TNNI3K: variants seen among roughly 807,000 people sequenced by gnomAD.
The protein encoded by TNNI3K is serine/threonine-protein kinase TNNI3K.
A neutral mutation model predicts 114.5 loss-of-function variants in TNNI3K; 140 were observed. That is an observed-to-expected ratio of 1.22 (90% confidence interval 1.07 to 1.41). The LOEUF (loss-of-function observed/expected upper bound fraction) is 1.41, where lower values mean the gene tolerates loss of function less well. TNNI3K is among the 40% of genes most tolerant of loss of function. The pLI, the probability that TNNI3K is intolerant of heterozygous loss-of-function variation, is 0.00. For missense variants in TNNI3K, 1,125 were observed against 1,007.6 expected (o/e 1.12, Z -1.58); for synonymous variants, 347 against 347.5 (o/e 1.00, Z 0.02).
intron 17 of TNNI3K, among the ~76,000 whole-genome samples, chr1:74,379,703 T>C (rs1169152187): frequency 6.6e-6 from 1 of 152,148 alleles, no homozygotes; most frequent in Non-Finnish European, 1.5e-5. Context: ...GATTCATCCC[T>C]GCCTCCTCGA....
At chr1:74,480,663 C>A (rs878892430) in intron 21 of TNNI3K, 2 of 717,142 alleles carry the variant, frequency 2.8e-6, no homozygotes, top group Non-Finnish European at 2.6e-6. Context: ...CGGGTCAGGC[C>A]GCTTGTGTTT....
intron 17 of TNNI3K, among the ~76,000 whole-genome samples, chr1:74,417,137 G>A (rs10890127): frequency 0.63 from 95,315 of 151,954 alleles, 33,500 homozygotes; most frequent in East Asian, 0.81. Context: ...AGAGAAATGC[G>A]TAATAATGGC....
At chr1:74,456,489 T>C (rs1298351984) in intron 20 of TNNI3K, among the ~76,000 whole-genome samples, 1 of 152,186 alleles carries the variant, frequency 6.6e-6, no homozygotes, top group African/African-American at 2.4e-5. Context: ...TTCATTTCTC[T>C]CCTGGGCTTG....
chr1:74,503,435 T>G (rs1273273000), intron 23 of TNNI3K, among the ~76,000 whole-genome samples: 1 of 152,258 alleles, frequency 6.6e-6, no homozygotes, highest in African/African-American at 2.4e-5. Flanking sequence ...ATTATATTAG[T>G]ATCTAACCCT....
At chr1:74,486,200 A>G (rs1470158896) in intron 21 of TNNI3K, among the ~76,000 whole-genome samples, 1 of 134,370 alleles carries the variant, frequency 7.4e-6, no homozygotes, top group Non-Finnish European at 1.5e-5. Flanking sequence ...TAAATGCTAT[A>G]AAGAGAGAGA....
intron 4 of TNNI3K, among the ~76,000 whole-genome samples, chr1:74,265,971 A>G (rs1217911625): frequency 5.9e-5 from 9 of 151,878 alleles, no homozygotes; most frequent in African/African-American, 1.7e-4. Context: ...TTATTTATTC[A>G]TTTTCTTTGT....
At chr1:74,338,180 C>G (rs1334189126) in intron 7 of TNNI3K, among the ~76,000 whole-genome samples, 1 of 151,606 alleles carries the variant, frequency 6.6e-6, no homozygotes, top group Non-Finnish European at 1.5e-5. Context: ...AATCTTTCAA[C>G]AATATATGAG....
In TNNI3K at chr1:74,537,133, A is replaced by G. The variant is rs187053129; in HGVS notation, c.2352-3101A>G. ...GATTGCATTTAGCAACTGAACAAACAGAGCAGCTTGGATATGAGCTTTTAT... is the reference window on the plus strand; with the variant it reads ...GATTGCATTTAGCAACTGAACAAACGGAGCAGCTTGGATATGAGCTTTTAT... On this transcript the variant is annotated intron_variant, in intron 23 of 24. Coordinates refer to ENST00000326637, the MANE Select transcript of TNNI3K (RefSeq NM_015978.3). Among the ~76,000 whole-genome samples, 1,307 of 152,338 alleles carry G rather than the reference A, an allele frequency of 8.6e-3. 5 individuals carry two copies. Among genetic ancestry groups the G allele is most frequent in the Admixed American group, 0.015 (224 of 15,292 alleles).
At chr1:74,520,360 T>A (rs1468020448) in intron 23 of TNNI3K, among the ~76,000 whole-genome samples, 1 of 152,142 alleles carries the variant, frequency 6.6e-6, no homozygotes, top group Non-Finnish European at 1.5e-5. Context: ...AATTTGAGAC[T>A]ACTTCGCGTG....
chr1:74,497,941 T>TC (rs2100328781), intron 23 of TNNI3K, among the ~76,000 whole-genome samples: 1 of 152,300 alleles, frequency 6.6e-6, no homozygotes, highest in South Asian at 2.1e-4. Flanking sequence ...TCGCTCTCTC[T>TC]CTTCTCAGAT....
intron 23 of TNNI3K, among the ~76,000 whole-genome samples, chr1:74,516,625 T>C (rs1457567253): frequency 6.6e-6 from 1 of 152,152 alleles, no homozygotes; most frequent in Non-Finnish European, 1.5e-5. Context: ...CTTGCTACTA[T>C]GGGCCATGGG....
At chr1:74,380,834 G>T (rs948690874) in intron 17 of TNNI3K, among the ~76,000 whole-genome samples, 3 of 152,000 alleles carry the variant, frequency 2.0e-5, no homozygotes, top group African/African-American at 7.2e-5. Flanking sequence ...TCACTTGATC[G>T]TTTTCAACCC....
At chr1:74,407,229 A>G (rs1397627425) in intron 17 of TNNI3K, among the ~76,000 whole-genome samples, 1 of 152,196 alleles carries the variant, frequency 6.6e-6, no homozygotes, top group Non-Finnish European at 1.5e-5. Flanking sequence ...TATACTAGGA[A>G]GTCTACCAGG....
chr1:74,328,488 T>C (rs761217961), intron 5 of TNNI3K, among the ~76,000 whole-genome samples: 1 of 152,154 alleles, frequency 6.6e-6, no homozygotes, highest in African/African-American at 2.4e-5. Flanking sequence ...TCATACAAAT[T>C]AGTACATGAA....
At chr1:74,507,657 G>A (rs1244879821) in intron 23 of TNNI3K, among the ~76,000 whole-genome samples, 1 of 152,092 alleles carries the variant, frequency 6.6e-6, no homozygotes, top group Non-Finnish European at 1.5e-5. Context: ...CATTAGGATG[G>A]TTCACTGACA....
At chr1:74,329,158 T>A (rs1460482449) in intron 5 of TNNI3K, among the ~76,000 whole-genome samples, 1 of 152,064 alleles carries the variant, frequency 6.6e-6, no homozygotes, top group East Asian at 1.9e-4. Flanking sequence ...AGATTTGATG[T>A]CAAACAGACC....
chr1:74,478,501 T>G (rs1327343113), intron 21 of TNNI3K, among the ~76,000 whole-genome samples: 1 of 152,170 alleles, frequency 6.6e-6, no homozygotes, highest in Non-Finnish European at 1.5e-5. Context: ...TACTAAAAAT[T>G]GCTCTATTAT....
At chr1:74,506,669 G>A (rs1466822943) in intron 23 of TNNI3K, among the ~76,000 whole-genome samples, 1 of 152,198 alleles carries the variant, frequency 6.6e-6, no homozygotes, top group African/African-American at 2.4e-5. Context: ...CACCGGACCT[G>A]CCGAATCTGC....
intron 4 of TNNI3K, among the ~76,000 whole-genome samples, chr1:74,260,891 A>T (rs1266200356): frequency 8.5e-5 from 13 of 152,064 alleles, no homozygotes; most frequent in Admixed American, 8.5e-4. Context: ...TAACAAAAAA[A>T]CCCATCAGTT....
Sources: gnomAD v4.1 joint callset for allele counts (sites outside exome capture counted in the v4.1 genomes callset) on GRCh38, gnomAD v4.1.1 for gene constraint, MANE v1.5 for transcripts, NCBI Gene and HGNC (gene_info 2026-07-23, HGNC 2026-07-21) for gene names.